CELF2: variants seen among roughly 807,000 people sequenced by gnomAD.
CELF2 encodes CUGBP Elav-like family member 2, also known as CUG triplet repeat RNA-binding protein 2.
Under a neutral mutation model 62.6 loss-of-function variants are expected in CELF2, and 8 were observed. That is an observed-to-expected ratio of 0.13 (90% CI 0.07 to 0.23). The LOEUF is 0.23. CELF2 is among the 10% of genes least tolerant of loss of function. The probability of loss-of-function intolerance (pLI) is 1.00; values close to 1 mark genes in which losing one functional copy is unlikely to be tolerated. For missense variants in CELF2, 333 were observed against 671.0 expected (o/e 0.50, Z 5.56); for synonymous variants, 258 against 250.0 (o/e 1.03, Z -0.30).
chr10:10,821,654 T>G (rs1266908980), intron 1 of CELF2, among the ~76,000 whole-genome samples: 1 of 152,138 alleles, frequency 6.6e-6, no homozygotes, highest in Non-Finnish European at 1.5e-5. Context: ...CTTGGTTTTT[T>G]GTTTTTTTAA....
chr10:10,835,941 C>T (rs1002026265), intron 1 of CELF2, among the ~76,000 whole-genome samples: 1 of 151,924 alleles, frequency 6.6e-6, no homozygotes, highest in Non-Finnish European at 1.5e-5. Context: ...ATGGTAGTGC[C>T]GTTTATGAAA....
the CELF2 span, among the ~76,000 whole-genome samples, chr10:10,617,335 G>A: frequency 3.3e-5 from 5 of 152,100 alleles, no homozygotes; most frequent in Non-Finnish European, 7.4e-5. Flanking sequence ...ATACCACATT[G>A]TGAACCCCAT....
intron 1 of CELF2, among the ~76,000 whole-genome samples, chr10:10,883,819 G>T (rs569282412): frequency 6.6e-6 from 1 of 152,016 alleles, no homozygotes; most frequent in Non-Finnish European, 1.5e-5. Flanking sequence ...AATATGTTTC[G>T]CTTCTGCTAC....
chr10:10,463,902 T>A, the CELF2 span, among the ~76,000 whole-genome samples: 1 of 151,188 alleles, frequency 6.6e-6, no homozygotes, highest in South Asian at 2.1e-4. Flanking sequence ...AGAAATGTAA[T>A]GGGGAGGTTG....
chr10:10,577,549 C>CA, the CELF2 span, among the ~76,000 whole-genome samples: 3 of 151,032 alleles, frequency 2.0e-5, no homozygotes, highest in East Asian at 5.8e-4. Flanking sequence ...GTGATGTTCC[C>CA]CTTCCTGTGT....
In CELF2 at chr10:11,035,751, G is replaced by A. The variant is rs192730972; in HGVS notation, c.74+17588G>A. Among the ~76,000 whole-genome samples, 15 of 152,252 alleles carry A rather than the reference G, an allele frequency of 9.9e-5. No individual in the cohort carries two copies. The East Asian group carries it at 1.3e-3, about 14-fold the overall frequency. On this transcript the variant is annotated intron_variant, in intron 1 of 12. Coordinates refer to ENST00000633077, the MANE Select transcript of CELF2 (RefSeq NM_001326342.2). ...TTTATACCCAGCTGTTTGTTATTCCGTTCAGCCATCAGCATCTGAGTCTCA... is the reference window on the plus strand; with the variant it reads ...TTTATACCCAGCTGTTTGTTATTCCATTCAGCCATCAGCATCTGAGTCTCA...
chr10:10,561,007 A>C, the CELF2 span, among the ~76,000 whole-genome samples: 1 of 147,790 alleles, frequency 6.8e-6, no homozygotes, highest in Non-Finnish European at 1.5e-5. Flanking sequence ...GGACTTTGGA[A>C]ACTTAGGGGG....
At chr10:10,842,454 G>A (rs1318984222) in intron 1 of CELF2, among the ~76,000 whole-genome samples, 2 of 152,000 alleles carry the variant, frequency 1.3e-5, no homozygotes, top group African/African-American at 4.8e-5. Context: ...TTATCAAATT[G>A]AGGAAGTTTC....
the CELF2 span, among the ~76,000 whole-genome samples, chr10:10,738,933 G>A: frequency 2.1e-3 from 326 of 152,266 alleles, 2 homozygotes; most frequent in Non-Finnish European, 4.0e-3. Context: ...CCATACTAAT[G>A]TAAGATTGTA....
At chr10:10,728,840 C>T in the CELF2 span, among the ~76,000 whole-genome samples, 1 of 152,130 alleles carries the variant, frequency 6.6e-6, no homozygotes, top group Non-Finnish European at 1.5e-5. Context: ...AGAACATGAA[C>T]TGGTTAAATG....
intron 3 of CELF2, 52 bp from the exon 4 acceptor site, chr10:11,249,101 G>A (rs1337725459): frequency 6.9e-7 from 1 of 1,446,770 alleles, no homozygotes; most frequent in Non-Finnish European, 9.7e-7. Flanking sequence ...TTTCTGAGAT[G>A]ATTTTTACAG....
At chr10:11,135,132 T>C (rs2060230662) in intron 1 of CELF2, among the ~76,000 whole-genome samples, 1 of 152,216 alleles carries the variant, frequency 6.6e-6, no homozygotes. Context: ...CGACTCCCTG[T>C]GTTTTTCCTC....
intron 7 of CELF2, among the ~76,000 whole-genome samples, chr10:11,273,982 C>T (rs376023068): frequency 1.5e-4 from 19 of 128,972 alleles, no homozygotes; most frequent in African/African-American, 5.5e-4. Context: ...CCCCCCCCCA[C>T]CTTGGCCTCC....
chr10:10,682,753 T>G, the CELF2 span, among the ~76,000 whole-genome samples: 6 of 152,354 alleles, frequency 3.9e-5, no homozygotes, highest in African/African-American at 1.2e-4. Context: ...CCTGGATGAC[T>G]GTTTGATTGC....
the CELF2 span, among the ~76,000 whole-genome samples, chr10:10,519,257 G>A: frequency 6.6e-6 from 1 of 152,098 alleles, no homozygotes; most frequent in Non-Finnish European, 1.5e-5. Context: ...CTTGTTAAAG[G>A]GCCAGTCTCG....
At chr10:11,133,408 C>CAAG (rs1007377043) in intron 1 of CELF2, among the ~76,000 whole-genome samples, 1 of 152,036 alleles carries the variant, frequency 6.6e-6, no homozygotes, top group Non-Finnish European at 1.5e-5. Flanking sequence ...GCCGTGGGAC[C>CAAG]AAGAAGAAGA....
chr10:10,981,540 A>T (rs1325989656), intron 2 of CELF2, among the ~76,000 whole-genome samples: 4 of 152,236 alleles, frequency 2.6e-5, no homozygotes, highest in Non-Finnish European at 4.4e-5. Context: ...AACAACAAAA[A>T]TATGTACTTA....
At chr10:11,045,991 A>G (rs2062763818) in intron 1 of CELF2, among the ~76,000 whole-genome samples, 1 of 152,186 alleles carries the variant, frequency 6.6e-6, no homozygotes, top group Non-Finnish European at 1.5e-5. Context: ...GGTAGAGGTG[A>G]AAGAAAGGAA....
chr10:11,150,466 G>T (rs781546649), intron 1 of CELF2, among the ~76,000 whole-genome samples: 6 of 152,092 alleles, frequency 3.9e-5, no homozygotes, highest in Non-Finnish European at 8.8e-5. Context: ...AGTTTCTTTT[G>T]TTTGATTGCC....
Sources: allele counts gnomAD v4.1 joint callset (sites outside exome capture counted in the v4.1 genomes callset), GRCh38; gene constraint gnomAD v4.1.1; transcripts MANE v1.5; gene names NCBI Gene and HGNC (gene_info 2026-07-23, HGNC 2026-07-21).